The following PAX7 variants were observed in gnomAD, a reference collection of about 807,000 sequenced individuals.
PAX7 encodes paired box 7, also known as paired box protein Pax-7.
Under a neutral mutation model 50.7 loss-of-function variants are expected in PAX7, and 18 were observed. The observed-to-expected ratio is 0.36, with a 90% CI of 0.25 to 0.53. The LOEUF is 0.53. Among genes scored for constraint, PAX7 ranks in the 20% least tolerant of loss-of-function variants. The pLI, the probability that PAX7 is intolerant of heterozygous loss-of-function variation, is 0.93. For missense variants in PAX7, 644 were observed against 702.9 expected, an observed-to-expected ratio of 0.92 and a Z score of 0.95; for synonymous variants, 310 against 290.4, an observed-to-expected ratio of 1.07 and a Z score of -0.69.
At chr1:18,674,760 T>C (rs2088801450) in intron 4 of PAX7, among the ~76,000 whole-genome samples, 1 of 152,232 alleles carries the variant, frequency 6.6e-6, no homozygotes, top group Non-Finnish European at 1.5e-5. Context: ...TTGCTCCCTT[T>C]CACAGAGCAG....
At chr1:18,711,640 G>T (rs916145008) in intron 7 of PAX7, among the ~76,000 whole-genome samples, 1 of 152,258 alleles carries the variant, frequency 6.6e-6, no homozygotes, top group South Asian at 2.1e-4. Flanking sequence ...GGGGAAGGAC[G>T]AGCTGATGGA....
chr1:18,732,166 C>T (rs981740812), intron 7 of PAX7, among the ~76,000 whole-genome samples: 2 of 152,136 alleles, frequency 1.3e-5, no homozygotes, highest in Non-Finnish European at 2.9e-5. Flanking sequence ...CCACATAGCC[C>T]CTTATTTTTC....
chr1:18,671,955 T>G (rs2088756384), intron 4 of PAX7, among the ~76,000 whole-genome samples: 1 of 151,430 alleles, frequency 6.6e-6, no homozygotes, highest in Non-Finnish European at 1.5e-5. Context: ...TCAGCCTGGG[T>G]GACAGAACAA....
chr1:18,719,302 G>A (rs996776275), intron 7 of PAX7, among the ~76,000 whole-genome samples: 3 of 152,340 alleles, frequency 2.0e-5, no homozygotes, highest in Non-Finnish European at 2.9e-5. Context: ...CCGTGTGGGC[G>A]AATGAGTGCT....
intron 4 of PAX7, among the ~76,000 whole-genome samples, chr1:18,637,244 A>T (rs2088175970): frequency 6.6e-6 from 1 of 152,062 alleles, no homozygotes; most frequent in Non-Finnish European, 1.5e-5. Flanking sequence ...AAGGAAGGGA[A>T]AGTTTTTCCT....
In PAX7 at chr1:18,745,065, C is replaced by T. The variant is rs1196424111; in HGVS notation, c.*136C>T. 9.7e-6 allele frequency: 6 copies of T among 618,154 alleles called. No individual in the cohort carries two copies. The highest frequency in any genetic ancestry group is 1.7e-5 in the Non-Finnish European group (6 of 343,612). The allele number at this position is 618,154 out of a possible 1,614,324, so 38.3% of individuals were successfully genotyped here. A position where few individuals can be genotyped will look rare whatever the true frequency, so the allele number is the denominator to read the frequency against. On this transcript the variant is annotated 3_prime_UTR_variant, in exon 9 of 9. Transcript: ENST00000420770. Reference sequence around the variant, plus strand: ...GAGCCCACCTGCTTCTCATCACCAGCCCCCTGGAGGTAGACAGCCAGCTTG... The same window carrying T: ...GAGCCCACCTGCTTCTCATCACCAGTCCCCTGGAGGTAGACAGCCAGCTTG...
intron 7 of PAX7, among the ~76,000 whole-genome samples, chr1:18,718,363 G>T (rs999823751): frequency 6.6e-6 from 1 of 152,152 alleles, no homozygotes; most frequent in African/African-American, 2.4e-5. Context: ...AGAGTCAGTG[G>T]TTCCCAAACC....
intron 4 of PAX7, among the ~76,000 whole-genome samples, chr1:18,690,127 C>T (rs960903750): frequency 6.6e-6 from 1 of 152,212 alleles, no homozygotes; most frequent in Non-Finnish European, 1.5e-5. Context: ...CAGGTCCTAC[C>T]TTGCCCACTG....
rs538638720 is a variant in PAX7 at position 18,664,826 on chromosome 1, A to G, written c.587-26928A>G. Among the ~76,000 whole-genome samples, 16 of 152,080 alleles carry G rather than the reference A, an allele frequency of 1.1e-4. No individual in the cohort carries two copies. In the South Asian group the frequency reaches 3.1e-3, roughly 30 times the overall value. On this transcript the variant is annotated intron_variant, in intron 4 of 8. Coordinates refer to ENST00000420770, the MANE Select transcript of PAX7 (RefSeq NM_001135254.2). ...AGACATATGCTGGCCTCCTGGGCAT[A>G]TGATGGTAAACCCCAAATCCTGAAG...
At position 18,744,970 on chromosome 1, in the gene PAX7, A is replaced by G. The variant is rs756281666; in HGVS notation, c.*41A>G. 6.0e-6 allele frequency: 7 copies of G among 1,158,960 alleles called. No homozygotes were observed. Among genetic ancestry groups the G allele is most frequent in the Non-Finnish European group, 8.8e-6 (7 of 792,158 alleles). 71.8% of individuals were successfully genotyped at this position (1,158,960 alleles called of 1,614,324 possible). Reference sequence around the variant, plus strand: ...TTGCCCCAGCCCAATTCCCAGCCCAACCCTAACTGACCCCTGAGCTTCCCA... The same window carrying G: ...TTGCCCCAGCCCAATTCCCAGCCCAGCCCTAACTGACCCCTGAGCTTCCCA... On this transcript the variant is annotated 3_prime_UTR_variant, in exon 9 of 9. Transcript: ENST00000420770.
chr1:18,643,370 G>A (rs1029257948), intron 4 of PAX7, among the ~76,000 whole-genome samples: 26 of 152,240 alleles, frequency 1.7e-4, no homozygotes, highest in African/African-American at 6.0e-4. Flanking sequence ...GGAGGGGTGG[G>A]GAGAGGCAGC....
intron 4 of PAX7, among the ~76,000 whole-genome samples, chr1:18,646,962 G>A: frequency 7.0e-6 from 1 of 142,352 alleles, no homozygotes; most frequent in Non-Finnish European, 1.5e-5. Context: ...GGCACGCTGG[G>A]AGCCCGGGGG....
intron 4 of PAX7, among the ~76,000 whole-genome samples, chr1:18,638,808 G>A (rs2088202468): frequency 6.6e-6 from 1 of 152,158 alleles, no homozygotes; most frequent in Non-Finnish European, 1.5e-5. Context: ...TGGGCTGGTC[G>A]GCAGGCACCC....
chr1:18,727,286 T>A (rs2883947), intron 7 of PAX7, among the ~76,000 whole-genome samples: 103,800 of 150,768 alleles, frequency 0.69, 35,838 homozygotes, highest in African/African-American at 0.75. Flanking sequence ...TGTGCACAAG[T>A]TGCATGAACA....
chr1:18,680,711 G>A (rs2088887251), intron 4 of PAX7, among the ~76,000 whole-genome samples: 1 of 152,188 alleles, frequency 6.6e-6, no homozygotes, highest in African/African-American at 2.4e-5. Context: ...CCCTTCAGGA[G>A]CAGCATAGTG....
At chr1:18,712,427 C>T (rs781039642) in intron 7 of PAX7, among the ~76,000 whole-genome samples, 11 of 152,190 alleles carry the variant, frequency 7.2e-5, no homozygotes, top group South Asian at 4.1e-4. Flanking sequence ...AAAATAGACT[C>T]GTGTTTATGT....
At chr1:18,724,166 C>G (rs900121927) in intron 7 of PAX7, among the ~76,000 whole-genome samples, 7 of 152,210 alleles carry the variant, frequency 4.6e-5, no homozygotes, top group African/African-American at 1.7e-4. Context: ...CATTAAGCTT[C>G]GAAATTGAAT....
Position 18,745,020 on chromosome 1 carries a change from G to A in PAX7, c.*91G>A, listed in dbSNP as rs1931374345. 2.7e-6 allele frequency: 2 copies of A among 738,602 alleles called. No individual in the cohort carries two copies. Among genetic ancestry groups the A allele is most frequent in the South Asian group, 3.4e-5 (2 of 58,896 alleles). The allele number at this position is 738,602 out of a possible 1,614,324, so 45.8% of individuals were successfully genotyped here. ...AGCCTTGCCGCCTCACCCCCCTGTT[G>A]TCCTAGGAGGCCAGGAAAGGAGCCC... On this transcript the variant is annotated 3_prime_UTR_variant, in exon 9 of 9. Transcript: ENST00000420770.
chr1:18,699,685 C>T lies in PAX7; in HGVS notation c.787-968C>T, dbSNP rs1442083930. ...ACGCCATTCTCCTGCCTCAGCCTCC[C>T]GACTAGCTGGGACTACAGGCGCCCA... On this transcript the variant is annotated intron_variant, in intron 5 of 8. Transcript: ENST00000420770. 5.9e-5 allele frequency among the ~76,000 whole-genome samples: 9 copies of T among 152,130 alleles called. No homozygotes were observed. In the East Asian group the frequency reaches 1.4e-3, roughly 23 times the overall value.
Sources: gnomAD v4.1 joint callset for allele counts (sites outside exome capture counted in the v4.1 genomes callset) on GRCh38, gnomAD v4.1.1 for gene constraint, MANE v1.5 for transcripts, NCBI Gene and HGNC (gene_info 2026-07-23, HGNC 2026-07-21) for gene names.